NCKAP5: variants seen among roughly 807,000 people sequenced by gnomAD.
NCKAP5 encodes the protein nck-associated protein 5.
Under a neutral mutation model 167.0 loss-of-function variants are expected in NCKAP5, and 92 were observed. That is an observed-to-expected ratio of 0.55 (90% CI 0.47 to 0.66). The LOEUF (loss-of-function observed/expected upper bound fraction) is 0.66. Ranked by LOEUF, NCKAP5 falls within the 30% of genes least tolerant of loss-of-function variation. NCKAP5 has a pLI of 0.00. For missense variants in NCKAP5, 2,378 were observed against 2,315.0 expected (o/e 1.03, Z -0.56); for synonymous variants, 891 against 877.4 (o/e 1.02, Z -0.27).
At chr2:132,835,956 A>G (rs1398423995) in intron 11 of NCKAP5, among the ~76,000 whole-genome samples, 1 of 152,040 alleles carries the variant, frequency 6.6e-6, no homozygotes, top group South Asian at 2.1e-4. Context: ...CATATTAGGT[A>G]CTCTTCTAAA....
At chr2:133,307,065 T>C (rs570260147) in intron 3 of NCKAP5, among the ~76,000 whole-genome samples, 3 of 152,358 alleles carry the variant, frequency 2.0e-5, no homozygotes, top group Non-Finnish European at 4.4e-5. Context: ...AGCATGCAAC[T>C]TCCTACCTCA....
intron 15 of NCKAP5, among the ~76,000 whole-genome samples, chr2:132,777,223 A>G (rs932861124): frequency 6.6e-6 from 1 of 152,174 alleles, no homozygotes; most frequent in African/African-American, 2.4e-5. Context: ...ACTACTCCAA[A>G]CACCAGTCTG....
intron 4 of NCKAP5, among the ~76,000 whole-genome samples, chr2:133,236,109 T>C (rs1289243233): frequency 1.4e-5 from 2 of 141,770 alleles, no homozygotes; most frequent in South Asian, 2.2e-4. Flanking sequence ...AGCTGTGATA[T>C]GTCTTATGGA....
intron 2 of NCKAP5, among the ~76,000 whole-genome samples, chr2:133,527,875 G>A (rs1472874287): frequency 1.3e-5 from 2 of 152,000 alleles, no homozygotes; most frequent in African/African-American, 2.4e-5. Flanking sequence ...GACCAGTTTG[G>A]GCAACATAGT....
At chr2:133,013,929 C>T (rs2078249620) in intron 6 of NCKAP5, among the ~76,000 whole-genome samples, 1 of 152,070 alleles carries the variant, frequency 6.6e-6, no homozygotes, top group Non-Finnish European at 1.5e-5. Flanking sequence ...CATCAAAATC[C>T]CAACTCTTCC....
At chr2:133,547,268 G>T (rs939068956) in intron 2 of NCKAP5, among the ~76,000 whole-genome samples, 3 of 152,318 alleles carry the variant, frequency 2.0e-5, no homozygotes, top group African/African-American at 7.2e-5. Flanking sequence ...AGCAGTCTGA[G>T]ATCAAACTGC....
intron 8 of NCKAP5, among the ~76,000 whole-genome samples, chr2:132,910,034 C>A (rs1195328321): frequency 6.6e-6 from 1 of 152,180 alleles, no homozygotes; most frequent in Non-Finnish European, 1.5e-5. Flanking sequence ...TGAGGCACGG[C>A]TAGTGAAAAC....
At chr2:133,395,681 C>T (rs546231275) in intron 3 of NCKAP5, among the ~76,000 whole-genome samples, 4 of 152,186 alleles carry the variant, frequency 2.6e-5, no homozygotes, top group South Asian at 2.1e-4. Flanking sequence ...GGTTTCTCTC[C>T]GTTGCCCAGG....
intron 5 of NCKAP5, among the ~76,000 whole-genome samples, chr2:133,174,221 G>A (rs566882886): frequency 1.3e-4 from 20 of 152,024 alleles, no homozygotes; most frequent in Non-Finnish European, 2.8e-4. Flanking sequence ...TTTTTCTGAT[G>A]TTTCTCATTA....
the NCKAP5 span, among the ~76,000 whole-genome samples, chr2:133,619,307 TAATA>T: frequency 2.7e-5 from 4 of 150,676 alleles, no homozygotes; most frequent in African/African-American, 2.4e-5. Context: ...AGTATAATAA[TAATA>T]AATAAAATAA....
At chr2:132,926,729 G>A (rs1164914608) in intron 8 of NCKAP5, among the ~76,000 whole-genome samples, 5 of 151,754 alleles carry the variant, frequency 3.3e-5, no homozygotes, top group African/African-American at 1.2e-4. Context: ...GGTTATTTGT[G>A]GATTTTTGTT....
At chr2:132,840,903 G>GA (rs891550343) in intron 11 of NCKAP5, among the ~76,000 whole-genome samples, 1 of 151,390 alleles carries the variant, frequency 6.6e-6, no homozygotes, top group African/African-American at 2.4e-5. Flanking sequence ...TATATTTATT[G>GA]AAAAAAAATC....
At chr2:133,194,173 G>C (rs115849619) in intron 5 of NCKAP5, among the ~76,000 whole-genome samples, 1,845 of 152,152 alleles carry the variant, frequency 0.012, 41 homozygotes, top group African/African-American at 0.042. Context: ...ATGAAAGCTA[G>C]AGAAAGGTGG....
chr2:132,781,067 T>A lies in NCKAP5; in HGVS notation c.5034A>T (p.Val1678=), dbSNP rs751738767. 6.2e-7 allele frequency: 1 copy of A among 1,613,518 alleles called. No individual in the cohort carries two copies. Among genetic ancestry groups the A allele is most frequent in the Admixed American group, 1.7e-5 (1 of 59,968 alleles). Residue 1678 remains valine (V), a synonymous_variant, in exon 15 of 20, where the codon GTA becomes GTT. Transcript: ENST00000409261. ...GAGCACTTACCAGGGAGTCTTTTGG[T>A]ACTTCCATATCGGCTTTGATTTTCA... ...KNMKIKADME[V]PKDSLVKEAN... is the part of the protein sequence containing the mutation.
chr2:132,794,648 TAC>T (rs4057986), intron 12 of NCKAP5, among the ~76,000 whole-genome samples: 51,774 of 142,244 alleles, frequency 0.36, 9,922 homozygotes, highest in South Asian at 0.48. Context: ...CAACAACAAA[TAC>T]ACACACACAC....
intron 6 of NCKAP5, among the ~76,000 whole-genome samples, chr2:133,009,300 C>CAACT (rs1463215125): frequency 6.6e-6 from 1 of 152,106 alleles, no homozygotes; most frequent in African/African-American, 2.4e-5. Flanking sequence ...TCTTAGTTAA[C>CAACT]AACTATTCTA....
intron 3 of NCKAP5, among the ~76,000 whole-genome samples, chr2:133,343,307 A>T (rs919042712): frequency 6.6e-6 from 1 of 151,858 alleles, no homozygotes; most frequent in African/African-American, 2.4e-5. Context: ...TGAAGAATAT[A>T]AAAAAAATTC....
At chr2:133,469,625 C>T (rs1471703816) in intron 3 of NCKAP5, among the ~76,000 whole-genome samples, 4 of 152,158 alleles carry the variant, frequency 2.6e-5, no homozygotes, top group Admixed American at 2.0e-4. Context: ...TGCTTCCATT[C>T]TCCCCATCAC....
chr2:133,576,070 G>A, the NCKAP5 span, among the ~76,000 whole-genome samples: 1 of 152,184 alleles, frequency 6.6e-6, no homozygotes, highest in African/African-American at 2.4e-5. Context: ...AGTCACAGTA[G>A]GCCTAAAAGG....
Sources: allele counts gnomAD v4.1 joint callset (sites outside exome capture counted in the v4.1 genomes callset), GRCh38; gene constraint gnomAD v4.1.1; transcripts MANE v1.5; gene names NCBI Gene and HGNC (gene_info 2026-07-23, HGNC 2026-07-21).